TMC3: variants seen among roughly 807,000 people sequenced by gnomAD.
TMC3 encodes transmembrane channel like 3, also known as transmembrane channel-like protein 3.
A neutral mutation model predicts 110.6 loss-of-function variants in TMC3; 98 were observed. That is an observed-to-expected ratio of 0.89 (90% CI 0.75 to 1.05). The LOEUF is 1.05. Among genes scored for constraint, TMC3 ranks in the 50% least tolerant of loss-of-function variants. The pLI, the probability that TMC3 is intolerant of heterozygous loss-of-function variation, is 0.00. For missense variants in TMC3, 1,319 were observed against 1,373.2 expected, an observed-to-expected ratio of 0.96 and a Z score of 0.62; for synonymous variants, 489 against 513.1, an observed-to-expected ratio of 0.95 and a Z score of 0.63.
rs756139805 is a variant in TMC3 at position 81,339,514 on chromosome 15, A to G, written c.1845-10T>C. The G allele has an allele frequency of 6.3e-7, 1 of 1,578,036 alleles. No individual in the cohort carries two copies. The highest frequency in any genetic ancestry group is 1.2e-5 in the South Asian group (1 of 86,400). ...GTAGAAGTTGTTGGATCTGCAGATAAATCAGATGTCATGTGTTAAGTTCAC... is the reference window on the plus strand; with the variant it reads ...GTAGAAGTTGTTGGATCTGCAGATAGATCAGATGTCATGTGTTAAGTTCAC... On this transcript the variant is annotated splice_polypyrimidine_tract_variant and intron_variant, in intron 16 of 21. Coordinates refer to ENST00000359440, the MANE Select transcript of TMC3 (RefSeq NM_001080532.3).
chr15:81,340,402 A>G (rs1279471754), intron 16 of TMC3, among the ~76,000 whole-genome samples: 1 of 152,244 alleles, frequency 6.6e-6, no homozygotes, highest in African/African-American at 2.4e-5. Context: ...ACATATATAA[A>G]TATATCAAAA....
At position 81,333,120 on chromosome 15, in the gene TMC3, G is replaced by A. The variant is rs1477179573; in HGVS notation, c.2602C>T (p.Arg868Cys). 4 of 1,614,050 alleles carry A rather than the reference G, an allele frequency of 2.5e-6. No individual in the cohort carries two copies. Among genetic ancestry groups the A allele is most frequent in the South Asian group, 1.1e-5 (1 of 91,088 alleles). Reference sequence around the variant, plus strand: ...AGCAAAGTCGAGGCCTGTGGTCCACGGTGAGGAGGGTTGATTTGCTGAAAG... The same window carrying A: ...AGCAAAGTCGAGGCCTGTGGTCCACAGTGAGGAGGGTTGATTTGCTGAAAG... ...KDFQQINPPHRGPQASTLLAQ... is the reference protein window; with the variant it reads ...KDFQQINPPHCGPQASTLLAQ... The change falls in exon 22 of 22, where the codon CGT becomes TGT. Residue 868 changes from arginine (R) to cysteine (C), a missense_variant. Physicochemically the swap from Arg to Cys is radical, Grantham distance 180. Transcript: ENST00000359440.
intron 11 of TMC3, among the ~76,000 whole-genome samples, chr15:81,349,017 G>A (rs1375714212): frequency 1.3e-5 from 2 of 151,978 alleles, no homozygotes; most frequent in Non-Finnish European, 2.9e-5. Flanking sequence ...TTTTAGTAGA[G>A]ACAGGGTTTC....
chr15:81,359,386 A>C lies in TMC3; in HGVS notation c.480T>G (p.Gly160=), dbSNP rs775128680. ...TTACCTCTGGAATGACAATAAAAGCACCTGTCATAATGGTGAGCACAATAT... is the reference window on the plus strand; with the variant it reads ...TTACCTCTGGAATGACAATAAAAGCCCCTGTCATAATGGTGAGCACAATAT... The part of the protein sequence containing the change: ...GINIVLTIMT[G]AFIVIPELIA... Residue 160 remains glycine (G), a synonymous_variant, in exon 5 of 22, where the codon GGT becomes GGG. Coordinates refer to ENST00000359440, the MANE Select transcript of TMC3 (RefSeq NM_001080532.3). 3.1e-6 allele frequency: 5 copies of C among 1,605,024 alleles called. No homozygotes were observed. In the South Asian group the frequency reaches 5.7e-5, roughly 18 times the overall value.
In TMC3 at chr15:81,332,218, C is replaced by T; in HGVS notation, c.*201G>A. On this transcript the variant is annotated 3_prime_UTR_variant, in exon 22 of 22. Transcript: ENST00000359440. ...TGACATACTTTGGTGCCACCTAACT[C>T]GGATAAATTTGGCTAACAGTAGCTG... is the stretch of plus-strand genomic sequence containing the variant. 1.5e-6 allele frequency: 1 copy of T among 654,274 alleles called. No homozygotes were observed. The highest frequency in any genetic ancestry group is 2.4e-6 in the Non-Finnish European group (1 of 410,054). 40.5% of individuals were successfully genotyped at this position (654,274 alleles called of 1,614,324 possible).
chr15:81,351,384 G>A (rs990408650), intron 10 of TMC3, among the ~76,000 whole-genome samples: 6 of 128,456 alleles, frequency 4.7e-5, no homozygotes, highest in Non-Finnish European at 7.7e-5. Context: ...ACAGAGTCTC[G>A]CGCTGTTGCT....
chr15:81,345,143 CTT>C (rs1893800149), intron 12 of TMC3, 132 bp from the exon 13 acceptor site: 2 of 1,424,186 alleles, frequency 1.4e-6, no homozygotes, highest in Non-Finnish European at 1.9e-6. Context: ...CATTCATCCT[CTT>C]TCTCTTTCTA....
intron 8 of TMC3, 34 bp downstream of exon 8, chr15:81,356,413 C>A: frequency 1.9e-6 from 3 of 1,548,780 alleles, no homozygotes; most frequent in Non-Finnish European, 2.6e-6. Flanking sequence ...CTGAGCTGCC[C>A]ACCCCCGCAG....
At chr15:81,366,222 A>G (rs192705796) in intron 3 of TMC3, among the ~76,000 whole-genome samples, 36 of 152,358 alleles carry the variant, frequency 2.4e-4, no homozygotes, top group African/African-American at 7.9e-4. Flanking sequence ...ACAGTCTATT[A>G]GGACTGGAGG....
At chr15:81,355,951 TG>T (rs61598890) in intron 8 of TMC3, among the ~76,000 whole-genome samples, 183 bp from the exon 9 acceptor site, 23,805 of 152,110 alleles carry the variant, frequency 0.16, 3,555 homozygotes, top group African/African-American at 0.4. Context: ...TATTGGCGGT[TG>T]GGAAGAGGGA....
chr15:81,350,353 G>C (rs532553930), intron 10 of TMC3, among the ~76,000 whole-genome samples: 1 of 152,222 alleles, frequency 6.6e-6, no homozygotes, highest in Non-Finnish European at 1.5e-5. Context: ...ATTACCAATA[G>C]AAAAGGAAAG....
At chr15:81,340,941 A>C (rs1230121861) in intron 16 of TMC3, among the ~76,000 whole-genome samples, 3 of 152,188 alleles carry the variant, frequency 2.0e-5, no homozygotes, top group Non-Finnish European at 4.4e-5. Flanking sequence ...AGGAGCACAT[A>C]CTGTGTGTGT....
In TMC3 at chr15:81,336,644, G is replaced by C; in HGVS notation, c.2168C>G (p.Ser723Ter). 1 of 1,613,880 alleles carries C rather than the reference G, an allele frequency of 6.2e-7. No homozygotes were observed. Among genetic ancestry groups the C allele is most frequent in the Non-Finnish European group, 8.5e-7 (1 of 1,179,868 alleles). ...QLKMQIQNAR[S>*]EDKKKVAQMV... is the part of the protein sequence containing the mutation. ...CTGGGCAACCTTTTTCTTATCCTCT[G>C]ATCTTGCCTAAAATGCAAATGATAT... The change falls in exon 20 of 22, where the codon TCA becomes TGA. Residue 723 changes from serine (S) to a stop codon, truncating the protein, a stop_gained. Transcript: ENST00000359440. LOFTEE classifies it high-confidence loss of function.
At chr15:81,367,213 A>C (rs1894334582) in intron 3 of TMC3, among the ~76,000 whole-genome samples, 1 of 152,340 alleles carries the variant, frequency 6.6e-6, no homozygotes, top group African/African-American at 2.4e-5. Flanking sequence ...CAAATGACTA[A>C]TTAAATTAAT....
At chr15:81,360,972 C>CT (rs59270312) in intron 4 of TMC3, among the ~76,000 whole-genome samples, 16,566 of 134,080 alleles carry the variant, frequency 0.12, 1,388 homozygotes, top group African/African-American at 0.24. Context: ...ACGGTTTTCT[C>CT]TTTTTTTTTT....
chr15:81,334,587 A>C, intron 21 of TMC3, 133 bp downstream of exon 21: 1 of 1,231,880 alleles, frequency 8.1e-7, no homozygotes, highest in Non-Finnish European at 1.1e-6. Context: ...TCTTTTTAGT[A>C]CCAGCTGTCA....
At chr15:81,344,388 T>A (rs1893780096) in intron 13 of TMC3, among the ~76,000 whole-genome samples, 1 of 152,236 alleles carries the variant, frequency 6.6e-6, no homozygotes, top group African/African-American at 2.4e-5. Flanking sequence ...GGGTTGAGGT[T>A]CTCTGTACAA....
In TMC3 at chr15:81,332,859, T is replaced by G; in HGVS notation, c.2863A>C (p.Lys955Gln). ...AGGGAGCGTGGGGGAAGAGACCGTT[T>G]GATCCAATCTCTGCTTGGCGTCTCC... is the stretch of plus-strand genomic sequence containing the variant. ...EEETPSRDWI[K>Q]RSLPPRSLID... Residue 955 changes from lysine (K) to glutamine (Q), a missense_variant, in exon 22 of 22, where the codon AAA (lysine) becomes CAA (glutamine). Physicochemically the swap from Lys to Gln is moderately conservative, Grantham distance 53. Transcript: ENST00000359440. The G allele has an allele frequency of 6.2e-7, 1 of 1,613,422 alleles. No homozygotes were observed. The highest frequency in any genetic ancestry group is 8.5e-7 in the Non-Finnish European group (1 of 1,179,876).
At chr15:81,338,596 G>A (rs1233219329) in intron 18 of TMC3, 59 bp downstream of exon 18, 21 of 1,585,202 alleles carry the variant, frequency 1.3e-5, no homozygotes, top group African/African-American at 4.1e-5. Flanking sequence ...GGAAAGCAGC[G>A]TTTTCTTGTT....
Sources: allele counts gnomAD v4.1 joint callset (sites outside exome capture counted in the v4.1 genomes callset), GRCh38; gene constraint gnomAD v4.1.1; transcripts MANE v1.5; gene names NCBI Gene and HGNC (gene_info 2026-07-23, HGNC 2026-07-21).